TRIM33: variants seen among roughly 807,000 people sequenced by gnomAD.
TRIM33 encodes tripartite motif containing 33.
Under a neutral mutation model 125.4 loss-of-function variants are expected in TRIM33, and 20 were observed. The observed-to-expected ratio is 0.16, with a 90% CI of 0.11 to 0.23. The LOEUF is 0.23. Ranked by LOEUF, TRIM33 falls within the 10% of genes least tolerant of loss-of-function variation. The probability of loss-of-function intolerance (pLI) is 1.00; values close to 1 mark genes in which losing one functional copy is unlikely to be tolerated. For missense variants in TRIM33, 920 were observed against 1,411.4 expected (o/e 0.65, Z 5.58); for synonymous variants, 564 against 513.9 (o/e 1.10, Z -1.32).
chr1:114,482,731 T>C (rs927965592), intron 1 of TRIM33, among the ~76,000 whole-genome samples: 3 of 152,160 alleles, frequency 2.0e-5, no homozygotes, highest in African/African-American at 7.2e-5. Flanking sequence ...AGTAACTGAG[T>C]TCTCATGAGA....
At chr1:114,452,036 TTAA>T (rs1406654291) in intron 4 of TRIM33, among the ~76,000 whole-genome samples, 2 of 151,766 alleles carry the variant, frequency 1.3e-5, no homozygotes, top group African/African-American at 2.4e-5. Flanking sequence ...AAGCAAAAAA[TTAA>T]TAAAGATAAA....
chr1:114,400,587 A>C (rs1286818882), intron 17 of TRIM33, among the ~76,000 whole-genome samples: 1 of 152,250 alleles, frequency 6.6e-6, no homozygotes, highest in African/African-American at 2.4e-5. Context: ...AGATGAGACA[A>C]ATTTTCCAGA....
intron 4 of TRIM33, among the ~76,000 whole-genome samples, chr1:114,438,551 T>C (rs958551238): frequency 3.3e-5 from 5 of 152,226 alleles, no homozygotes; most frequent in Non-Finnish European, 7.3e-5. Context: ...ACTTACTACA[T>C]TTTCAGGCAC....
Position 114,397,792 on chromosome 1 carries a change from G to A in TRIM33, c.3240C>T (p.Ile1080=). ...AAGGTGCGAAGGTCCTGTCTGAGTA[G>A]ATCTCTGTGAGTTTATCTTCAAAGT... ...ALYFEDKLTE[I]YSDRTFAPLP... Residue 1080 remains isoleucine, a synonymous_variant, in exon 20 of 20, where the codon ATC becomes ATT. Transcript: ENST00000358465. 6.2e-7 allele frequency: 1 copy of A among 1,613,780 alleles called. No individual in the cohort carries two copies. The highest frequency in any genetic ancestry group is 8.5e-7 in the Non-Finnish European group (1 of 1,179,902).
intron 1 of TRIM33, among the ~76,000 whole-genome samples, chr1:114,500,354 G>T (rs552052338): frequency 4.6e-5 from 7 of 151,934 alleles, no homozygotes; most frequent in Admixed American, 2.0e-4. Context: ...AGATGGCGGC[G>T]TCTCTCTGTG....
chr1:114,497,239 T>C (rs1481074345), intron 1 of TRIM33, among the ~76,000 whole-genome samples: 1 of 152,216 alleles, frequency 6.6e-6, no homozygotes, highest in East Asian at 1.9e-4. Context: ...AGACAATACA[T>C]AAATGAATGT....
At chr1:114,486,222 G>A (rs1224045085) in intron 1 of TRIM33, among the ~76,000 whole-genome samples, 1 of 152,118 alleles carries the variant, frequency 6.6e-6, no homozygotes, top group African/African-American at 2.4e-5. Flanking sequence ...GTTGCAATGA[G>A]CTGAGATCGC....
chr1:114,419,303 C>T (rs542706455), intron 11 of TRIM33, among the ~76,000 whole-genome samples: 12 of 152,086 alleles, frequency 7.9e-5, no homozygotes, highest in Non-Finnish European at 1.5e-4. Flanking sequence ...AGTAATAACT[C>T]CACCTCCTGC....
chr1:114,434,248 C>G (rs1648142499), intron 4 of TRIM33, among the ~76,000 whole-genome samples: 1 of 152,158 alleles, frequency 6.6e-6, no homozygotes, highest in African/African-American at 2.4e-5. Flanking sequence ...TCAAGCAATC[C>G]TCCTGCCTTG....
intron 14 of TRIM33, among the ~76,000 whole-genome samples, chr1:114,406,283 A>G (rs1375605707): frequency 1.3e-5 from 2 of 152,164 alleles, no homozygotes; most frequent in Non-Finnish European, 2.9e-5. Flanking sequence ...CCAAGGCTGA[A>G]TCTCTTGCTC....
chr1:114,435,792 T>C (rs952812686), intron 4 of TRIM33, among the ~76,000 whole-genome samples: 2 of 148,700 alleles, frequency 1.3e-5, no homozygotes, highest in African/African-American at 2.5e-5. Context: ...ACTGGAACCA[T>C]CACGGCTCAC....
In TRIM33 at chr1:114,511,041, G is replaced by T. The variant is rs1327085707; in HGVS notation, c.36C>A (p.Ser12Arg). Residue 12 changes from serine (S) to arginine (R), a missense_variant, in exon 1 of 20, where the codon AGC becomes AGA. Coordinates refer to ENST00000358465, the MANE Select transcript of TRIM33 (RefSeq NM_015906.4). ...GCGCGCTGCCGCTGCCCCCGCCGCC[G>T]CTCTCAGCCTCGCCGCCGCCTTTGT... ...AENKGGGEAE[S>R]GGGGSGSAPV... 1.5e-6 allele frequency: 2 copies of T among 1,313,240 alleles called. No homozygotes were observed. Among genetic ancestry groups the T allele is most frequent in the South Asian group, 1.8e-5 (1 of 54,106 alleles). The allele number at this position is 1,313,240 out of a possible 1,614,324, so 81.3% of individuals were successfully genotyped here. A position where few individuals can be genotyped will look rare whatever the true frequency, so the allele number is the denominator to read the frequency against.
chr1:114,466,168 A>G (rs1650286488), intron 1 of TRIM33, among the ~76,000 whole-genome samples: 1 of 152,202 alleles, frequency 6.6e-6, no homozygotes, highest in African/African-American at 2.4e-5. Context: ...CACATTTGGG[A>G]AAGCATGACT....
At chr1:114,488,552 C>G (rs1489314859) in intron 1 of TRIM33, among the ~76,000 whole-genome samples, 1 of 151,992 alleles carries the variant, frequency 6.6e-6, no homozygotes, top group African/African-American at 2.4e-5. Flanking sequence ...CCGCTTCAGC[C>G]CAGAAGTTCA....
chr1:114,499,785 GAAGC>G (rs1652598828), intron 1 of TRIM33, among the ~76,000 whole-genome samples: 1 of 152,164 alleles, frequency 6.6e-6, no homozygotes, highest in African/African-American at 2.4e-5. Flanking sequence ...TGAGCAGGCA[GAAGC>G]AAGCAGTAAA....
chr1:114,408,581 A>C (rs1652391778), intron 13 of TRIM33, 96 bp downstream of exon 13: 1 of 740,372 alleles, frequency 1.4e-6, no homozygotes, highest in Non-Finnish European at 2.3e-6. Flanking sequence ...GCTGAGTGTT[A>C]AGTATAAAGG....
chr1:114,464,933 G>T (rs923738977), intron 1 of TRIM33, among the ~76,000 whole-genome samples: 1 of 152,136 alleles, frequency 6.6e-6, no homozygotes, highest in Non-Finnish European at 1.5e-5. Flanking sequence ...CAAGGAAATG[G>T]ATTTTCTCCC....
intron 1 of TRIM33, among the ~76,000 whole-genome samples, chr1:114,507,588 A>G (rs1472357677): frequency 6.6e-6 from 1 of 152,188 alleles, no homozygotes; most frequent in Non-Finnish European, 1.5e-5. Context: ...GCATTTTCAC[A>G]TTTATTATTT....
At chr1:114,482,312 C>T (rs1031618177) in intron 1 of TRIM33, among the ~76,000 whole-genome samples, 1 of 152,042 alleles carries the variant, frequency 6.6e-6, no homozygotes, top group African/African-American at 2.4e-5. Flanking sequence ...TCAACATGCC[C>T]CTCATTAAGC....
Sources: allele counts gnomAD v4.1 joint callset (sites outside exome capture counted in the v4.1 genomes callset), GRCh38; gene constraint gnomAD v4.1.1; transcripts MANE v1.5; gene names NCBI Gene and HGNC (gene_info 2026-07-23, HGNC 2026-07-21).